The following PLSCR2 variants were observed in gnomAD, a reference collection of about 807,000 sequenced individuals.
PLSCR2 encodes PL scramblase 2.
A neutral mutation model predicts 25.3 loss-of-function variants in PLSCR2; 18 were observed. The observed-to-expected ratio is 0.71, with a 90% CI of 0.49 to 1.06. The LOEUF (loss-of-function observed/expected upper bound fraction) is 1.06. PLSCR2 is among the 50% of genes least tolerant of loss of function. The pLI is 0.00. For missense variants in PLSCR2, 243 were observed against 269.5 expected (o/e 0.90, Z 0.69); for synonymous variants, 88 against 87.3 (o/e 1.01, Z -0.04).
chr3:146,488,448 C>T (rs74503050), intron 1 of PLSCR2, among the ~76,000 whole-genome samples: 1 of 151,982 alleles, frequency 6.6e-6, no homozygotes, highest in Non-Finnish European at 1.5e-5. Context: ...TGTCTAATAT[C>T]CAGAATCTAC....
chr3:146,448,814 T>G (rs2040717407), intron 6 of PLSCR2, among the ~76,000 whole-genome samples: 1 of 152,238 alleles, frequency 6.6e-6, no homozygotes, highest in Admixed American at 6.5e-5. Context: ...TTATTGCACT[T>G]TATAATCCCA....
chr3:146,395,884 A>G, exon 3 of PLSCR2: 1 of 315,096 alleles, frequency 3.2e-6, no homozygotes, highest in South Asian at 2.6e-5. Flanking sequence ...CTGTTTTGAA[A>G]TCTTTCCAAT....
chr3:146,433,701 A>G (rs1219347416), intron 8 of PLSCR2, among the ~76,000 whole-genome samples, 184 bp from the exon 8 acceptor site: 2 of 152,152 alleles, frequency 1.3e-5, no homozygotes, highest in African/African-American at 2.4e-5. Flanking sequence ...TACTGTCTGT[A>G]CTAAGCATAT....
downstream of PLSCR2, among the ~76,000 whole-genome samples, chr3:146,441,203 G>T (rs1039992218): frequency 9.2e-5 from 14 of 152,028 alleles, no homozygotes; most frequent in Admixed American, 6.6e-5. Flanking sequence ...TCCAGCCTGG[G>T]TGACAGAGCT....
At chr3:146,413,269 C>T (rs1356051670) in intron 2 of PLSCR2, among the ~76,000 whole-genome samples, 3 of 152,070 alleles carry the variant, frequency 2.0e-5, no homozygotes, top group African/African-American at 7.2e-5. Flanking sequence ...GTACCTGGCT[C>T]CCTTGTATTT....
chr3:146,444,078 C>G (rs1376000943), intron 6 of PLSCR2, among the ~76,000 whole-genome samples: 1 of 151,724 alleles, frequency 6.6e-6, no homozygotes, highest in African/African-American at 2.4e-5. Context: ...TCCAAAGTTC[C>G]TCTTGTTATT....
intron 6 of PLSCR2, among the ~76,000 whole-genome samples, chr3:146,443,929 C>T (rs192980203): frequency 7.9e-5 from 12 of 151,952 alleles, no homozygotes; most frequent in African/African-American, 2.9e-4. Context: ...ACTGCTTTTG[C>T]TGTATCCCAT....
Position 146,452,272 on chromosome 3 carries a change from G to GT in PLSCR2, c.483+1729dup, listed in dbSNP as rs1371999970. 1.2e-4 allele frequency among the ~76,000 whole-genome samples: 18 copies of GT among 151,478 alleles called. No individual in the cohort carries two copies. The East Asian group carries it at 3.1e-3, about 26-fold the overall frequency. ...CACACATTTGGTATCAGAAGTATGA[G>GT]TAAAAAAAAAGAATTGTAGTGTATT... On this transcript the variant is annotated intron_variant, in intron 5 of 6. Coordinates refer to ENST00000610787, the Ensembl canonical transcript of PLSCR2.
At chr3:146,471,172 G>A (rs912926608) in intron 1 of PLSCR2, among the ~76,000 whole-genome samples, 3 of 151,830 alleles carry the variant, frequency 2.0e-5, no homozygotes, top group Non-Finnish European at 4.4e-5. Flanking sequence ...TAATAATCTA[G>A]GTACTGTTTC....
intron 1 of PLSCR2, among the ~76,000 whole-genome samples, chr3:146,471,637 G>C (rs113353305): frequency 0.066 from 9,916 of 150,616 alleles, 368 homozygotes; most frequent in Admixed American, 0.097. Context: ...CACGATCTCA[G>C]CTCACTGCAC....
intron 6 of PLSCR2, among the ~76,000 whole-genome samples, chr3:146,442,720 C>G (rs926599752): frequency 6.6e-6 from 1 of 151,860 alleles, no homozygotes; most frequent in Admixed American, 6.6e-5. Flanking sequence ...AAGGACAGTA[C>G]CCTTAAATAA....
intron 1 of PLSCR2, among the ~76,000 whole-genome samples, chr3:146,468,308 C>T (rs2041956527): frequency 6.6e-6 from 1 of 152,194 alleles, no homozygotes; most frequent in Non-Finnish European, 1.5e-5. Flanking sequence ...AAGGTTTGCT[C>T]TTAGGAAAAG....
intron 1 of PLSCR2, among the ~76,000 whole-genome samples, chr3:146,481,017 T>TTGA (rs2043110968): frequency 6.6e-6 from 1 of 152,066 alleles, no homozygotes; most frequent in Non-Finnish European, 1.5e-5. Context: ...GAAAAGGCCT[T>TTGA]CAAAAAATTC....
At chr3:146,488,683 G>A (rs941757828) in intron 1 of PLSCR2, among the ~76,000 whole-genome samples, 22 of 152,148 alleles carry the variant, frequency 1.4e-4, no homozygotes, top group African/African-American at 3.4e-4. Context: ...GGATGCTGGC[G>A]AGGCTGTGGA....
chr3:146,471,270 A>G (rs1251817863), intron 1 of PLSCR2, among the ~76,000 whole-genome samples: 1 of 152,150 alleles, frequency 6.6e-6, no homozygotes, highest in Non-Finnish European at 1.5e-5. Flanking sequence ...TTATTCTTTT[A>G]CCAATAAGTC....
At chr3:146,394,256 ATTTCTTTTCT>A (rs200686563) in intron 3 of PLSCR2, among the ~76,000 whole-genome samples, 1 of 151,512 alleles carries the variant, frequency 6.6e-6, no homozygotes, top group African/African-American at 2.4e-5. Flanking sequence ...CAATTTAACA[ATTTCTTTTCT>A]TTTCTTTTCT....
chr3:146,487,865 A>T (rs1028026879), intron 1 of PLSCR2, among the ~76,000 whole-genome samples: 12 of 152,214 alleles, frequency 7.9e-5, no homozygotes, highest in Admixed American at 2.6e-4. Flanking sequence ...CTTATAGCCA[A>T]GACAATCCTA....
chr3:146,397,837 T>C lies in PLSCR2; in HGVS notation c.101-1916A>G, dbSNP rs142488540. Reference sequence around the variant, plus strand: ...AATAGAATCCTATGTAGTCATATTATTACTTTCCAAACTAACCATATTATT... The same window carrying C: ...AATAGAATCCTATGTAGTCATATTACTACTTTCCAAACTAACCATATTATT... On this transcript the variant is annotated intron_variant and NMD_transcript_variant, in intron 2 of 3. Coordinates refer to the PLSCR2 transcript ENST00000463633. Among the ~76,000 whole-genome samples the C allele has an allele frequency of 3.8e-3, 576 of 152,182 alleles. 4 individuals are homozygous for C. Among genetic ancestry groups the C allele is most frequent in the African/African-American group, 0.013 (560 of 41,556 alleles).
At chr3:146,474,448 G>A (rs539270068) in intron 1 of PLSCR2, among the ~76,000 whole-genome samples, 1 of 152,232 alleles carries the variant, frequency 6.6e-6, no homozygotes, top group South Asian at 2.1e-4. Context: ...TTTTAAGAAT[G>A]TTGAATATTG....
Sources: allele counts gnomAD v4.1 joint callset (sites outside exome capture counted in the v4.1 genomes callset), GRCh38; gene constraint gnomAD v4.1.1; transcripts MANE v1.5; gene names NCBI Gene and HGNC (gene_info 2026-07-23, HGNC 2026-07-21).